Variants in BRF1 observed in about 807,000 individuals in gnomAD.
BRF1 encodes the protein transcription factor IIIB 90 kDa subunit.
BRF1 carries 59 observed loss-of-function variants against 81.7 expected under a neutral mutation model. The ratio of observed to expected loss-of-function variants is 0.72; its 90% CI spans 0.59 to 0.90. BRF1 has a LOEUF of 0.90. Among genes scored for constraint, BRF1 ranks in the 40% least tolerant of loss-of-function variants. The probability of loss-of-function intolerance (pLI) is 0.00; values close to 1 mark genes in which losing one functional copy is unlikely to be tolerated. For missense variants in BRF1, 1,050 were observed against 936.3 expected, an observed-to-expected ratio of 1.12 and a Z score of -1.58; for synonymous variants, 491 against 395.6, an observed-to-expected ratio of 1.24 and a Z score of -2.86.
Position 105,210,535 on chromosome 14 carries a change from G to A in BRF1, c.*16C>T. 3 of 1,610,278 alleles carry A rather than the reference G, an allele frequency of 1.9e-6. No homozygotes were observed. Among genetic ancestry groups the A allele is most frequent in the Non-Finnish European group, 2.5e-6 (3 of 1,179,804 alleles). Reference sequence around the variant, plus strand: ...GAGGCCCCCTGCCAGGACATCACCTGCCTGGAGGCCACACTTCAGTAGCCG... The same window carrying A: ...GAGGCCCCCTGCCAGGACATCACCTACCTGGAGGCCACACTTCAGTAGCCG... On this transcript the variant is annotated 3_prime_UTR_variant, in exon 18 of 18. Coordinates refer to ENST00000547530, the MANE Select transcript of BRF1 (RefSeq NM_001519.4). This position sits in a 1 kb window ranked among gnomAD's most constrained non-coding sequence, Gnocchi z 4.7.
chr14:105,247,051 A>C (rs1162557773), intron 5 of BRF1: 1 of 985,290 alleles, frequency 1.0e-6, no homozygotes, highest in Non-Finnish European at 1.2e-6. Context: ...TTTCTCCTGG[A>C]AACTGCTTAT....
At chr14:105,293,845 T>C (rs1419721571) in intron 1 of BRF1, among the ~76,000 whole-genome samples, 1 of 152,172 alleles carries the variant, frequency 6.6e-6, no homozygotes, top group Non-Finnish European at 1.5e-5. Context: ...CCTGATGCCT[T>C]AGTTAAATAT....
intron 1 of BRF1, among the ~76,000 whole-genome samples, chr14:105,297,749 C>T (rs1225681050): frequency 1.3e-5 from 2 of 152,142 alleles, no homozygotes; most frequent in Admixed American, 6.5e-5. Context: ...GTAAACCCAG[C>T]ACTTTGGGAG....
At position 105,220,058 on chromosome 14, in the gene BRF1, C is replaced by T. The variant is rs1347006035; in HGVS notation, c.1377+11G>A. On this transcript the variant is annotated intron_variant, in intron 12 of 17. Transcript: ENST00000547530. ...GCCCAGCCCCTCTTGGGAAGGGGTG[C>T]TGCCACGTACCCTGTCAATCTCCAG... The T allele has an allele frequency of 1.2e-6, 2 of 1,611,616 alleles. No homozygotes were observed. Among genetic ancestry groups the T allele is most frequent in the Non-Finnish European group, 8.5e-7 (1 of 1,179,960 alleles).
chr14:105,221,495 G>C (rs1164417536), intron 11 of BRF1, 153 bp downstream of exon 11: 2 of 1,096,240 alleles, frequency 1.8e-6, no homozygotes, highest in Admixed American at 6.2e-5. Flanking sequence ...AGCCCCATTG[G>C]GGGGACTGGT....
chr14:105,286,471 G>A (rs1357137821), intron 1 of BRF1, 95 bp from the exon 2 acceptor site: 20 of 1,310,092 alleles, frequency 1.5e-5, no homozygotes, highest in African/African-American at 4.4e-5. Flanking sequence ...AGAACAAAGC[G>A]GGGGTCAGCA....
chr14:105,245,631 A>G (rs2055039676), intron 5 of BRF1, among the ~76,000 whole-genome samples: 1 of 152,222 alleles, frequency 6.6e-6, no homozygotes. Context: ...AATGACAGAC[A>G]GATGACCTTC....
At chr14:105,218,374 T>C (rs1891678801) in intron 14 of BRF1, among the ~76,000 whole-genome samples, 1 of 151,988 alleles carries the variant, frequency 6.6e-6, no homozygotes, top group African/African-American at 2.4e-5. Flanking sequence ...TGCTGCTGGG[T>C]GGGGTGGAGT....
chr14:105,242,164 C>T (rs1215788463), intron 5 of BRF1: 1 of 152,442 alleles, frequency 6.6e-6, no homozygotes, highest in East Asian at 1.9e-4. Context: ...GTGTCCATAA[C>T]ACGAAGGATA....
At chr14:105,264,957 G>C (rs2140363224) in intron 3 of BRF1, among the ~76,000 whole-genome samples, 1 of 152,216 alleles carries the variant, frequency 6.6e-6, no homozygotes, top group South Asian at 2.1e-4. Context: ...CAGGAAGAGA[G>C]AGTGGAGCAG....
chr14:105,245,822 G>A (rs1369899947), intron 5 of BRF1, among the ~76,000 whole-genome samples: 2 of 152,272 alleles, frequency 1.3e-5, no homozygotes, highest in Non-Finnish European at 2.9e-5. Flanking sequence ...AAAACCCTTA[G>A]AAGAAAACAA....
intron 12 of BRF1, chr14:105,219,764 C>A (rs752081987): frequency 4.0e-6 from 2 of 505,820 alleles, no homozygotes; most frequent in Non-Finnish European, 7.2e-6. Flanking sequence ...TCTAGAGACC[C>A]CTCGAGGGGC....
At chr14:105,285,306 C>T (rs983272252) in intron 2 of BRF1, among the ~76,000 whole-genome samples, 2 of 152,226 alleles carry the variant, frequency 1.3e-5, no homozygotes, top group African/African-American at 4.8e-5. Context: ...GAACGGGCAC[C>T]AGGACTGTCA....
upstream of BRF1, among the ~76,000 whole-genome samples, chr14:105,305,867 ACTC>A (rs1475851785): frequency 6.6e-6 from 1 of 152,202 alleles, no homozygotes; most frequent in Non-Finnish European, 1.5e-5. Context: ...GGTCCTCTGT[ACTC>A]CTCATTCAGC....
chr14:105,250,255 C>G, intron 5 of BRF1: 1 of 1,613,120 alleles, frequency 6.2e-7, no homozygotes, highest in African/African-American at 1.3e-5. Flanking sequence ...CTGCCTACCG[C>G]AGCAACCAGT....
chr14:105,266,155 GAA>G (rs952281393), intron 3 of BRF1, among the ~76,000 whole-genome samples: 1 of 152,044 alleles, frequency 6.6e-6, no homozygotes, highest in African/African-American at 2.4e-5. Context: ...GCTTATGTTA[GAA>G]AAAACAGGCC....
chr14:105,288,251 G>A (rs1031487106), intron 1 of BRF1, among the ~76,000 whole-genome samples: 2 of 151,722 alleles, frequency 1.3e-5, no homozygotes, highest in South Asian at 2.1e-4. Context: ...TCAGGAGATC[G>A]AGACCATCTT....
In BRF1 at chr14:105,209,395, T is replaced by C; in HGVS notation, c.*1156A>G. ...CTGGCTACTGAGCTCTGGGCGGGGG[T>C]AGGGGGGTCTGGCCTGCTGCGGGCC... On this transcript the variant is annotated 3_prime_UTR_variant, in exon 18 of 18. Transcript: ENST00000547530. The C allele has an allele frequency of 1.6e-6, 1 of 640,370 alleles. No homozygotes were observed. The highest frequency in any genetic ancestry group is 2.9e-6 in the Non-Finnish European group (1 of 350,608). 39.7% of individuals were successfully genotyped at this position (640,370 alleles called of 1,614,324 possible).
rs2054619095 is a variant in BRF1, at chr14:105,241,342, G to C, written c.617C>G (p.Thr206Ser). ...CATCCTCTGTAGGAGCCTCAGGGCA[G>C]TCATGGACACCTCGTGGTTCTTCTC... ...FGEKNHEVSM[T>S]ALRLLQRMKR... The change falls in exon 6 of 18, where the codon ACT becomes AGT. Residue 206 changes from threonine to serine, a missense_variant. Transcript: ENST00000547530. 6.2e-7 allele frequency: 1 copy of C among 1,612,682 alleles called. No homozygotes were observed. The highest frequency in any genetic ancestry group is 1.3e-5 in the African/African-American group (1 of 74,948).
Sources: allele counts gnomAD v4.1 joint callset (sites outside exome capture counted in the v4.1 genomes callset), GRCh38; gene constraint gnomAD v4.1.1; non-coding constraint Gnocchi (gnomAD v3.1); transcripts MANE v1.5; gene names NCBI Gene and HGNC (gene_info 2026-07-23, HGNC 2026-07-21).